Variants in SRBD1 observed in about 807,000 individuals in gnomAD.
SRBD1 encodes S1 RNA-binding domain-containing protein 1.
A neutral mutation model predicts 115.3 loss-of-function variants in SRBD1; 88 were observed. The ratio of observed to expected loss-of-function variants is 0.76; its 90% confidence interval spans 0.64 to 0.91. The LOEUF (loss-of-function observed/expected upper bound fraction) is 0.91. SRBD1 is among the 40% of genes least tolerant of loss of function. The probability of loss-of-function intolerance (pLI) is 0.00; values close to 1 mark genes in which losing one functional copy is unlikely to be tolerated. For synonymous variants in SRBD1, 509 were observed against 407.7 expected (o/e 1.25, Z -2.99); for missense variants, 1,385 against 1,177.4 (o/e 1.18, Z -2.58).
chr2:45,424,484 GA>G (rs1668095213), intron 16 of SRBD1, among the ~76,000 whole-genome samples: 1 of 151,952 alleles, frequency 6.6e-6, no homozygotes, highest in Non-Finnish European at 1.5e-5. Context: ...ATTCCAGACT[GA>G]AAAAAATTCA....
chr2:45,546,624 A>G, intron 14 of SRBD1, 108 bp downstream of exon 14: 2 of 1,080,504 alleles, frequency 1.9e-6, no homozygotes, highest in Non-Finnish European at 2.8e-6. Flanking sequence ...GGTGGTCTGG[A>G]GGGCAAAGAA....
At chr2:45,599,935 C>T (rs1482961331) in intron 3 of SRBD1, 100 bp from the exon 4 acceptor site, 3 of 1,322,152 alleles carry the variant, frequency 2.3e-6, no homozygotes, top group East Asian at 4.9e-5. Context: ...TTGATACACA[C>T]AATAACTTGG....
chr2:45,516,695 T>C (rs976444950), intron 14 of SRBD1, among the ~76,000 whole-genome samples: 1 of 152,158 alleles, frequency 6.6e-6, no homozygotes, highest in Non-Finnish European at 1.5e-5. Context: ...AGTGTAGAGG[T>C]ATAAAAACAT....
chr2:45,546,731 C>T lies in SRBD1; in HGVS notation c.1874+1G>A. On this transcript the variant is annotated splice_donor_variant, in intron 14 of 20. Coordinates refer to ENST00000263736, the MANE Select transcript of SRBD1 (RefSeq NM_018079.5). LOFTEE classifies it high-confidence loss of function. Reference sequence around the variant, plus strand: ...AAAAGAGATATATGTAATAGCCTTACCAGTAAACAACATCCAGTGGTGCAA... The same window carrying T: ...AAAAGAGATATATGTAATAGCCTTATCAGTAAACAACATCCAGTGGTGCAA... 6.2e-7 allele frequency: 1 copy of T among 1,613,704 alleles called. No individual in the cohort carries two copies. Among genetic ancestry groups the T allele is most frequent in the Non-Finnish European group, 8.5e-7 (1 of 1,179,676 alleles).
At position 45,470,369 on chromosome 2, in the gene SRBD1, A is replaced by G. The variant is rs1572675978; in HGVS notation, c.2049+6624T>C. Among the ~76,000 whole-genome samples, 8 of 152,288 alleles carry G rather than the reference A, an allele frequency of 5.3e-5. No homozygotes were observed. The South Asian group carries it at 1.7e-3, about 32-fold the overall frequency. On this transcript the variant is annotated intron_variant, in intron 16 of 20. Coordinates refer to ENST00000263736, the MANE Select transcript of SRBD1 (RefSeq NM_018079.5). ...CTTTTACAGTAATTATTCATTATCC[A>G]CAATAATGAAGAATAAAGATGGCCT...
intron 19 of SRBD1, among the ~76,000 whole-genome samples, chr2:45,400,512 C>T (rs1667264310): frequency 6.6e-6 from 1 of 151,972 alleles, no homozygotes; most frequent in Non-Finnish European, 1.5e-5. Context: ...GTCTCAAAAC[C>T]CAATATTAAT....
At chr2:45,482,520 T>C (rs530853987) in intron 15 of SRBD1, among the ~76,000 whole-genome samples, 14 of 151,490 alleles carry the variant, frequency 9.2e-5, no homozygotes, top group African/African-American at 3.4e-4. Flanking sequence ...AGTTAATAAA[T>C]TACAGAGATT....
intron 15 of SRBD1, among the ~76,000 whole-genome samples, chr2:45,483,776 T>G (rs1030286253): frequency 3.3e-5 from 5 of 152,110 alleles, no homozygotes; most frequent in African/African-American, 1.2e-4. Flanking sequence ...CAACTCTAAA[T>G]TAGAATTTTT....
chr2:45,569,918 T>C (rs1672956920), intron 9 of SRBD1, among the ~76,000 whole-genome samples: 1 of 152,244 alleles, frequency 6.6e-6, no homozygotes, highest in Non-Finnish European at 1.5e-5. Context: ...GAAAACAATT[T>C]TGAATGTGTA....
intron 15 of SRBD1, among the ~76,000 whole-genome samples, chr2:45,485,072 T>C (rs2103844153): frequency 6.6e-6 from 1 of 152,346 alleles, no homozygotes; most frequent in Non-Finnish European, 1.5e-5. Flanking sequence ...TGAGTACCTG[T>C]TTTCAATTTT....
chr2:45,401,316 C>G (rs1316909025), intron 19 of SRBD1, among the ~76,000 whole-genome samples: 1 of 152,118 alleles, frequency 6.6e-6, no homozygotes, highest in Non-Finnish European at 1.5e-5. Flanking sequence ...AATCTGTCCA[C>G]TTAACATTTT....
intron 16 of SRBD1, among the ~76,000 whole-genome samples, chr2:45,458,922 A>G (rs140209197): frequency 1.0e-3 from 151 of 145,592 alleles, no homozygotes; most frequent in African/African-American, 3.8e-3. Flanking sequence ...ATAAATCCAC[A>G]AGTCTCAAAT....
chr2:45,570,518 T>C (rs1308985862), intron 9 of SRBD1, among the ~76,000 whole-genome samples: 5 of 152,198 alleles, frequency 3.3e-5, no homozygotes, highest in Non-Finnish European at 7.4e-5. Flanking sequence ...CACTGAAAAT[T>C]GTGGAGTAGG....
Position 45,521,286 on chromosome 2 carries a change from AACACACACACAC to A in SRBD1, c.1874+25434_1874+25445del, listed in dbSNP as rs71394840. On this transcript the variant is annotated intron_variant, in intron 14 of 20. Transcript: ENST00000263736. ...CCTACAACTCAACAACAAAAAGGAA[AACACACACACAC>A]ACACACACACACACACACACAAACC... Among the ~76,000 whole-genome samples the A allele has an allele frequency of 4.3e-3, 632 of 146,416 alleles. 5 individuals carry two copies. Among genetic ancestry groups the A allele is most frequent in the African/African-American group, 0.013 (523 of 39,394 alleles).
intron 4 of SRBD1, among the ~76,000 whole-genome samples, chr2:45,595,190 A>G (rs1463776532): frequency 6.6e-6 from 1 of 152,244 alleles, no homozygotes. Flanking sequence ...TTGACTATAT[A>G]GTTCTGCCTC....
At chr2:45,547,821 A>G (rs1672169294) in intron 12 of SRBD1, among the ~76,000 whole-genome samples, 1 of 152,212 alleles carries the variant, frequency 6.6e-6, no homozygotes, top group Non-Finnish European at 1.5e-5. Flanking sequence ...TTGCTACACA[A>G]AACTACTATT....
chr2:45,478,643 A>G (rs922142824), intron 15 of SRBD1, among the ~76,000 whole-genome samples: 3 of 152,216 alleles, frequency 2.0e-5, no homozygotes, highest in East Asian at 3.8e-4. Flanking sequence ...TTATAATTAC[A>G]GATTTAAAGT....
At chr2:45,394,512 T>G (rs980800987) in intron 19 of SRBD1, among the ~76,000 whole-genome samples, 1 of 152,194 alleles carries the variant, frequency 6.6e-6, no homozygotes, top group Non-Finnish European at 1.5e-5. Flanking sequence ...AAAAGGGAAT[T>G]GTTGGAGGTT....
At chr2:45,558,036 T>C (rs537920271) in intron 10 of SRBD1, among the ~76,000 whole-genome samples, 1 of 152,232 alleles carries the variant, frequency 6.6e-6, no homozygotes, top group Admixed American at 6.5e-5. Flanking sequence ...CTCTCTCCAC[T>C]GGGCTTTCTT....
Sources: allele counts gnomAD v4.1 joint callset (sites outside exome capture counted in the v4.1 genomes callset), GRCh38; gene constraint gnomAD v4.1.1; transcripts MANE v1.5; gene names NCBI Gene and HGNC (gene_info 2026-07-23, HGNC 2026-07-21).